PLA2G4A: variants seen among roughly 807,000 people sequenced by gnomAD.
The protein encoded by PLA2G4A is cytosolic phospholipase A2.
PLA2G4A carries 40 observed loss-of-function variants against 81.9 expected under a neutral mutation model. The ratio of observed to expected loss-of-function variants is 0.49; its 90% CI spans 0.38 to 0.64. PLA2G4A has a LOEUF of 0.64. Ranked by LOEUF, PLA2G4A falls within the 30% of genes least tolerant of loss-of-function variation. PLA2G4A has a pLI of 0.00. For synonymous variants in PLA2G4A, 302 were observed against 296.9 expected, an observed-to-expected ratio of 1.02 and a Z score of -0.18; for missense variants, 715 against 905.1, an observed-to-expected ratio of 0.79 and a Z score of 2.69.
chr1:186,889,672 A>G (rs1004541674), intron 3 of PLA2G4A, among the ~76,000 whole-genome samples: 3 of 143,754 alleles, frequency 2.1e-5, no homozygotes, highest in South Asian at 4.9e-4. Flanking sequence ...TTGACAGACA[A>G]CATCTATTTA....
intron 3 of PLA2G4A, among the ~76,000 whole-genome samples, chr1:186,883,861 T>A (rs1252697131): frequency 6.6e-6 from 1 of 152,088 alleles, no homozygotes; most frequent in Non-Finnish European, 1.5e-5. Context: ...GGACAGTAGG[T>A]TGGAAACTTA....
chr1:186,861,072 A>G (rs1652779273), intron 2 of PLA2G4A, among the ~76,000 whole-genome samples: 1 of 152,182 alleles, frequency 6.6e-6, no homozygotes, highest in Admixed American at 6.6e-5. Context: ...ATGGTGAAAA[A>G]TAGAAGTAAT....
chr1:186,968,062 G>A (rs4650712), intron 15 of PLA2G4A, among the ~76,000 whole-genome samples: 146,099 of 152,088 alleles, frequency 0.96, 70,252 homozygotes, highest in East Asian at 1. Flanking sequence ...GTGGGTTTCA[G>A]TGGATGACTC....
At chr1:186,985,800 A>G (rs1291648835) in intron 17 of PLA2G4A, among the ~76,000 whole-genome samples, 2 of 152,172 alleles carry the variant, frequency 1.3e-5, no homozygotes, top group African/African-American at 4.8e-5. Flanking sequence ...ATAACACTGA[A>G]GGGAAGGATT....
At chr1:186,873,832 A>G (rs776969145) in intron 3 of PLA2G4A, among the ~76,000 whole-genome samples, 3 of 152,064 alleles carry the variant, frequency 2.0e-5, no homozygotes, top group Non-Finnish European at 4.4e-5. Context: ...GGCATTGACA[A>G]GCCAAGAATA....
At chr1:186,962,484 TA>T (rs1656984836) in intron 14 of PLA2G4A, among the ~76,000 whole-genome samples, 1 of 127,240 alleles carries the variant, frequency 7.9e-6, no homozygotes, top group Admixed American at 7.9e-5. Context: ...GTAGTTATTT[TA>T]TTTTATTTAT....
chr1:186,837,736 C>CA (rs750655561), intron 1 of PLA2G4A, among the ~76,000 whole-genome samples: 4,632 of 54,866 alleles, frequency 0.084, 371 homozygotes, highest in African/African-American at 0.18. Flanking sequence ...GACTCCGTCT[C>CA]AAAAAAAAAA....
chr1:186,869,123 A>G (rs1438956348), intron 2 of PLA2G4A, among the ~76,000 whole-genome samples: 1 of 151,570 alleles, frequency 6.6e-6, no homozygotes, highest in Non-Finnish European at 1.5e-5. Context: ...AACTTAGATT[A>G]TTGATTTTAG....
chr1:186,830,193 T>C (rs1018186674), intron 1 of PLA2G4A, among the ~76,000 whole-genome samples: 2 of 152,224 alleles, frequency 1.3e-5, no homozygotes, highest in African/African-American at 4.8e-5. Flanking sequence ...TAAGCAATAA[T>C]TGTGAAATGC....
chr1:186,932,233 ATC>A (rs1655771739), intron 7 of PLA2G4A, among the ~76,000 whole-genome samples: 1 of 152,110 alleles, frequency 6.6e-6, no homozygotes, highest in South Asian at 2.1e-4. Context: ...TTTTAATGAT[ATC>A]TTTTTTCTAA....
intron 14 of PLA2G4A, among the ~76,000 whole-genome samples, chr1:186,963,499 T>G (rs1456030687): frequency 2.0e-5 from 3 of 152,238 alleles, no homozygotes; most frequent in Admixed American, 6.5e-5. Context: ...AAGTTAGCCT[T>G]GGACACAGCC....
At chr1:186,960,823 T>A (rs1295246482) in intron 14 of PLA2G4A, among the ~76,000 whole-genome samples, 1 of 152,234 alleles carries the variant, frequency 6.6e-6, no homozygotes, top group Non-Finnish European at 1.5e-5. Flanking sequence ...TATAAAGTGC[T>A]GTTAGTGGAA....
intron 2 of PLA2G4A, among the ~76,000 whole-genome samples, chr1:186,859,239 A>C (rs1652709868): frequency 6.6e-6 from 1 of 152,126 alleles, no homozygotes; most frequent in Non-Finnish European, 1.5e-5. Context: ...CTTGCTTCCA[A>C]TGGTGCTTGG....
At chr1:186,877,644 A>AAC (rs1396068178) in intron 3 of PLA2G4A, among the ~76,000 whole-genome samples, 1 of 134,382 alleles carries the variant, frequency 7.4e-6, no homozygotes, top group African/African-American at 2.8e-5. Flanking sequence ...ATTTCTTTGT[A>AAC]ACACTTGTCA....
chr1:186,851,454 C>T (rs919859309), intron 1 of PLA2G4A, among the ~76,000 whole-genome samples: 15 of 151,904 alleles, frequency 9.9e-5, no homozygotes, highest in African/African-American at 3.4e-4. Context: ...TATGTTATAT[C>T]ATCCATAAAA....
chr1:186,890,710 C>T (rs1445992260), intron 3 of PLA2G4A, among the ~76,000 whole-genome samples: 4 of 151,860 alleles, frequency 2.6e-5, no homozygotes, highest in Admixed American at 6.6e-5. Flanking sequence ...AAAAATTAGC[C>T]GGGCATAGTG....
chr1:186,922,244 T>G (rs1655378188), intron 7 of PLA2G4A, among the ~76,000 whole-genome samples: 1 of 151,924 alleles, frequency 6.6e-6, no homozygotes, highest in Non-Finnish European at 1.5e-5. Context: ...AAAACCAAAA[T>G]CAGAGTATCA....
chr1:186,833,390 T>C (rs1321626363), intron 1 of PLA2G4A, among the ~76,000 whole-genome samples: 1 of 152,158 alleles, frequency 6.6e-6, no homozygotes, highest in Non-Finnish European at 1.5e-5. Context: ...CAAGATTTTG[T>C]TTCTTATTAA....
chr1:186,953,461 A>G (rs1286824201), intron 13 of PLA2G4A, among the ~76,000 whole-genome samples: 1 of 142,342 alleles, frequency 7.0e-6, no homozygotes, highest in Non-Finnish European at 1.5e-5. Context: ...GTTTTATATT[A>G]CATGTTTTAA....
Sources: allele counts gnomAD v4.1 joint callset (sites outside exome capture counted in the v4.1 genomes callset), GRCh38; gene constraint gnomAD v4.1.1; transcripts MANE v1.5; gene names NCBI Gene and HGNC (gene_info 2026-07-23, HGNC 2026-07-21).